The following ERC2 variants were observed in gnomAD, a reference collection of about 807,000 sequenced individuals.
ERC2 encodes ERC protein 2.
In ERC2, 42 loss-of-function variants were observed where a neutral mutation model predicts 114.8. That is an observed-to-expected ratio of 0.37 (90% CI 0.29 to 0.47). The LOEUF (loss-of-function observed/expected upper bound fraction) is 0.47, where lower values mean the gene tolerates loss of function less well. ERC2 is among the 20% of genes least tolerant of loss of function. ERC2 has a pLI of 0.99. For missense variants in ERC2, 939 were observed against 1,150.7 expected (o/e 0.82, Z 2.66); for synonymous variants, 454 against 425.5 (o/e 1.07, Z -0.82).
At chr3:55,943,870 ACTCTACAAGC>A (rs1290910085) in intron 13 of ERC2, among the ~76,000 whole-genome samples, 3 of 152,034 alleles carry the variant, frequency 2.0e-5, no homozygotes, top group Admixed American at 2.0e-4. Flanking sequence ...GGCAAGACAG[ACTCTACAAGC>A]CCAGCCCTCC....
intron 3 of ERC2, among the ~76,000 whole-genome samples, chr3:56,209,795 G>A (rs1347650203): frequency 2.0e-5 from 3 of 152,034 alleles, no homozygotes; most frequent in Admixed American, 2.0e-4. Context: ...AGCAGTTCCA[G>A]GCTTCAGAAA....
At chr3:56,139,398 A>T (rs770795240) in intron 6 of ERC2, 111 bp downstream of exon 6, 43 of 1,016,228 alleles carry the variant, frequency 4.2e-5, no homozygotes, top group Admixed American at 5.9e-5. Flanking sequence ...TTCAAAATAC[A>T]TCTGGCCCCA....
At chr3:55,873,614 C>T (rs2062687705) in intron 14 of ERC2, among the ~76,000 whole-genome samples, 1 of 152,196 alleles carries the variant, frequency 6.6e-6, no homozygotes, top group Non-Finnish European at 1.5e-5. Context: ...CTGGCCTCTG[C>T]CCACCTCTCC....
chr3:56,270,678 C>G (rs1008121000), intron 3 of ERC2, among the ~76,000 whole-genome samples: 5 of 151,976 alleles, frequency 3.3e-5, no homozygotes, highest in Non-Finnish European at 7.4e-5. Flanking sequence ...GAAAACAAGG[C>G]CTATAAAAGA....
intron 6 of ERC2, among the ~76,000 whole-genome samples, chr3:56,083,734 G>A (rs2077359537): frequency 6.6e-6 from 1 of 151,608 alleles, no homozygotes; most frequent in South Asian, 2.1e-4. Context: ...CATGGGTGAT[G>A]AGGTATTGAG....
chr3:55,685,588 A>G (rs943358259), intron 16 of ERC2, among the ~76,000 whole-genome samples: 1 of 152,156 alleles, frequency 6.6e-6, no homozygotes, highest in Non-Finnish European at 1.5e-5. Context: ...TAGGCCATTC[A>G]TAAATGGGTT....
At chr3:56,183,702 G>T (rs2083423365) in intron 3 of ERC2, among the ~76,000 whole-genome samples, 1 of 152,086 alleles carries the variant, frequency 6.6e-6, no homozygotes, top group African/African-American at 2.4e-5. Context: ...TGCCTTCACG[G>T]AGCTTATGTT....
At chr3:55,864,172 T>C (rs1423886772) in intron 14 of ERC2, among the ~76,000 whole-genome samples, 65 of 113,480 alleles carry the variant, frequency 5.7e-4, no homozygotes, top group South Asian at 1.5e-3. Context: ...TATATACACA[T>C]ATATATATAC....
intron 13 of ERC2, among the ~76,000 whole-genome samples, chr3:55,916,871 A>G (rs1030114486): frequency 1.3e-5 from 2 of 152,190 alleles, no homozygotes; most frequent in African/African-American, 2.4e-5. Context: ...TAGTACCTGG[A>G]ATAGTATTTA....
chr3:55,838,391 A>G (rs899076859), intron 14 of ERC2, among the ~76,000 whole-genome samples: 2 of 152,142 alleles, frequency 1.3e-5, no homozygotes, highest in African/African-American at 4.8e-5. Context: ...CTAAACATCT[A>G]TACCAAGAAT....
intron 2 of ERC2, among the ~76,000 whole-genome samples, chr3:56,394,586 T>C (rs1448826304): frequency 1.3e-5 from 2 of 152,102 alleles, no homozygotes; most frequent in African/African-American, 4.8e-5. Context: ...AAGGAAGACA[T>C]ACAAAGGGCC....
intron 7 of ERC2, among the ~76,000 whole-genome samples, chr3:56,056,723 G>A (rs374959974): frequency 2.6e-5 from 4 of 152,184 alleles, no homozygotes; most frequent in African/African-American, 4.8e-5. Context: ...CTCTCTGACC[G>A]GTTTTGGTCT....
chr3:55,520,046 C>A (rs532979491), intron 17 of ERC2, among the ~76,000 whole-genome samples: 1 of 116,746 alleles, frequency 8.6e-6, no homozygotes, highest in Non-Finnish European at 1.7e-5. Flanking sequence ...TAGAGTGAGA[C>A]CCAGTCTCCA....
chr3:56,103,809 G>A (rs1234044162), intron 6 of ERC2, among the ~76,000 whole-genome samples: 1 of 151,064 alleles, frequency 6.6e-6, no homozygotes, highest in East Asian at 1.9e-4. Context: ...TTTTTTAAAG[G>A]GGCAGGAGGA....
chr3:55,864,170 C>CAT lies in ERC2; in HGVS notation c.2564+24217_2564+24218dup, dbSNP rs10548131. Among the ~76,000 whole-genome samples the CAT allele has an allele frequency of 5.5e-3, 604 of 109,754 alleles. 4 individuals are homozygous for CAT. Among genetic ancestry groups the CAT allele is most frequent in the African/African-American group, 0.025 (558 of 22,238 alleles). The allele number at this position is 109,754 out of a possible 152,430, so 72.0% of individuals were successfully genotyped here. The stretch of plus-strand genomic sequence containing the variant: ...ATATATATATACACATATATATACA[C>CAT]ATATATATATACACATATATATATA... On this transcript the variant is annotated intron_variant, in intron 14 of 17. Coordinates refer to ENST00000288221, the MANE Select transcript of ERC2 (RefSeq NM_015576.3).
chr3:56,291,328 A>G (rs1183922635), intron 3 of ERC2, among the ~76,000 whole-genome samples: 1 of 152,204 alleles, frequency 6.6e-6, no homozygotes, highest in East Asian at 1.9e-4. Flanking sequence ...TTTGGCTCAC[A>G]TTAGCACATC....
chr3:56,276,355 C>T (rs1311240775), intron 3 of ERC2, among the ~76,000 whole-genome samples: 5 of 151,124 alleles, frequency 3.3e-5, no homozygotes, highest in African/African-American at 1.2e-4. Flanking sequence ...TCACATGAAA[C>T]CATCTTTTAT....
chr3:55,525,864 A>T (rs1167419445), intron 17 of ERC2, among the ~76,000 whole-genome samples: 3 of 152,200 alleles, frequency 2.0e-5, no homozygotes, highest in African/African-American at 7.2e-5. Context: ...TAAGGGAAGA[A>T]CAATTCCTTG....
At chr3:55,716,169 C>T (rs576907578) in intron 15 of ERC2, among the ~76,000 whole-genome samples, 82 of 152,196 alleles carry the variant, frequency 5.4e-4, no homozygotes, top group Non-Finnish European at 9.7e-4. Context: ...ATGTCATGTG[C>T]ATCAGATAGA....
Sources: gnomAD v4.1 joint callset for allele counts (sites outside exome capture counted in the v4.1 genomes callset) on GRCh38, gnomAD v4.1.1 for gene constraint, MANE v1.5 for transcripts, NCBI Gene and HGNC (gene_info 2026-07-23, HGNC 2026-07-21) for gene names.